The following MYT1L variants were observed in gnomAD, a reference collection of about 807,000 sequenced individuals.
The protein encoded by MYT1L is myelin transcription factor 1-like protein.
In MYT1L, 12 loss-of-function variants were observed where a neutral mutation model predicts 126.7. The ratio of observed to expected loss-of-function variants is 0.09; its 90% CI spans 0.06 to 0.15. The LOEUF (loss-of-function observed/expected upper bound fraction) is 0.15, where lower values mean the gene tolerates loss of function less well. Among genes scored for constraint, MYT1L ranks in the 10% least tolerant of loss-of-function variants. The probability of loss-of-function intolerance (pLI) is 1.00; values close to 1 mark genes in which losing one functional copy is unlikely to be tolerated. For synonymous variants in MYT1L, 541 were observed against 604.2 expected, an observed-to-expected ratio of 0.90 and a Z score of 1.53; for missense variants, 979 against 1,585.2, an observed-to-expected ratio of 0.62 and a Z score of 6.49.
chr2:2,216,029 G>GTGTC (rs917354975), intron 2 of MYT1L, among the ~76,000 whole-genome samples: 5 of 149,038 alleles, frequency 3.4e-5, no homozygotes, highest in Non-Finnish European at 7.5e-5. Flanking sequence ...TCTCTCTTTT[G>GTGTC]TGTCTGTCTG....
At chr2:1,995,292 G>A (rs548753621) in intron 5 of MYT1L, among the ~76,000 whole-genome samples, 1 of 152,192 alleles carries the variant, frequency 6.6e-6, no homozygotes, top group Non-Finnish European at 1.5e-5. Context: ...CCACACGTGT[G>A]AGGGGACGCT....
At chr2:2,154,570 T>C (rs1252911972) in intron 3 of MYT1L, among the ~76,000 whole-genome samples, 1 of 152,132 alleles carries the variant, frequency 6.6e-6, no homozygotes, top group African/African-American at 2.4e-5. Flanking sequence ...AGCAAACTAA[T>C]GCAGGAGCAG....
chr2:2,016,851 C>T (rs896762503), intron 4 of MYT1L, among the ~76,000 whole-genome samples: 24 of 152,222 alleles, frequency 1.6e-4, no homozygotes, highest in Admixed American at 1.3e-4. Flanking sequence ...ATCTGGGCAA[C>T]GGCATTCTGA....
intron 3 of MYT1L, among the ~76,000 whole-genome samples, chr2:2,127,552 G>A (rs2081871398): frequency 6.6e-6 from 1 of 152,164 alleles, no homozygotes; most frequent in South Asian, 2.1e-4. Context: ...CAGAACTCCA[G>A]AATGTTCCCC....
intron 4 of MYT1L, among the ~76,000 whole-genome samples, chr2:2,037,477 C>T (rs2066989696): frequency 6.6e-6 from 1 of 151,084 alleles, no homozygotes. Context: ...AGCTTTGGGC[C>T]AGGGACGGCG....
intron 2 of MYT1L, among the ~76,000 whole-genome samples, chr2:2,201,091 G>A (rs12471456): frequency 0.27 from 41,301 of 152,102 alleles, 6,774 homozygotes; most frequent in African/African-American, 0.47. Flanking sequence ...ACATTGCCAT[G>A]CCAACTACTG....
chr2:1,798,548 C>G (rs1047501912), intron 23 of MYT1L, among the ~76,000 whole-genome samples: 1 of 152,162 alleles, frequency 6.6e-6, no homozygotes, highest in Non-Finnish European at 1.5e-5. Flanking sequence ...GGCTTGGGCT[C>G]TGTGCACAGG....
chr2:2,190,299 A>T (rs1228771455), intron 2 of MYT1L, among the ~76,000 whole-genome samples: 3 of 151,992 alleles, frequency 2.0e-5, no homozygotes, highest in African/African-American at 7.3e-5. Context: ...TCTACAAAAA[A>T]TACAGAAATT....
intron 3 of MYT1L, among the ~76,000 whole-genome samples, chr2:2,057,507 C>A (rs2069760367): frequency 6.6e-6 from 1 of 152,112 alleles, no homozygotes; most frequent in Admixed American, 6.6e-5. Context: ...AATAGCCACG[C>A]CCACTTCTGC....
chr2:2,092,211 T>C (rs1436181584), intron 3 of MYT1L, among the ~76,000 whole-genome samples: 1 of 152,210 alleles, frequency 6.6e-6, no homozygotes. Context: ...GACATAAAAC[T>C]CTTCCTTTAC....
chr2:2,147,039 T>C (rs185697554), intron 3 of MYT1L, among the ~76,000 whole-genome samples: 7 of 152,302 alleles, frequency 4.6e-5, no homozygotes, highest in East Asian at 1.9e-4. Flanking sequence ...TCAGTGACAA[T>C]TGGGCTGCTG....
intron 4 of MYT1L, among the ~76,000 whole-genome samples, chr2:1,998,329 T>A (rs916905181): frequency 2.0e-5 from 3 of 152,200 alleles, no homozygotes; most frequent in Non-Finnish European, 2.9e-5. Flanking sequence ...ATCATGGAAG[T>A]GCCGCTGCAC....
At chr2:2,051,483 G>A (rs766114378) in intron 4 of MYT1L, among the ~76,000 whole-genome samples, 16 of 152,126 alleles carry the variant, frequency 1.1e-4, no homozygotes, top group Non-Finnish European at 1.8e-4. Flanking sequence ...AACATGTCCA[G>A]CAATGAACCG....
chr2:2,069,111 T>C (rs1207402091), intron 3 of MYT1L, among the ~76,000 whole-genome samples: 1 of 152,060 alleles, frequency 6.6e-6, no homozygotes, highest in East Asian at 1.9e-4. Context: ...CTGGGGTACA[T>C]GTGCAGAATG....
At chr2:2,021,242 A>G (rs925683540) in intron 4 of MYT1L, among the ~76,000 whole-genome samples, 2 of 152,222 alleles carry the variant, frequency 1.3e-5, no homozygotes, top group African/African-American at 4.8e-5. Context: ...AAAGGGATTC[A>G]GATTCAAGGA....
At chr2:2,295,934 G>T (rs992359040) in intron 1 of MYT1L, among the ~76,000 whole-genome samples, 1 of 149,974 alleles carries the variant, frequency 6.7e-6, no homozygotes, top group African/African-American at 2.5e-5. Context: ...AGAGAGGTTG[G>T]GGGGGAGGAG....
In MYT1L at chr2:1,889,627, C is replaced by T. The variant is rs554079508; in HGVS notation, c.2284-150G>A. 171 of 615,534 alleles carry T rather than the reference C, an allele frequency of 2.8e-4. 1 individual carries two copies. In the East Asian group the frequency reaches 3.7e-3, roughly 13 times the overall value. The allele number at this position is 615,534 out of a possible 1,614,324, so 38.1% of individuals were successfully genotyped here. A position where few individuals can be genotyped will look rare whatever the true frequency, so the allele number is the denominator to read the frequency against. ...GTTTCCTTGGCCTAAACTCCCAAGG[C>T]GGACAGGCCTTGTCTGGTGGTACAT... On this transcript the variant is annotated intron_variant, in intron 15 of 24. Coordinates refer to ENST00000647738, the MANE Select transcript of MYT1L (RefSeq NM_001303052.2). The surrounding 1 kb of genome is among the most constrained non-coding windows in gnomAD (Gnocchi z 4.1).
rs1211750587 is a variant in MYT1L, at chr2:2,010,577, T to C, written c.-157-13230A>G. On this transcript the variant is annotated intron_variant, in intron 4 of 24. Coordinates refer to ENST00000647738, the MANE Select transcript of MYT1L (RefSeq NM_001303052.2). ...AAGTCTCGGTATCTTCTGGATACAC[T>C]CCCCATGGCTGCTACTACCCAGTGA... 2.0e-5 allele frequency among the ~76,000 whole-genome samples: 3 copies of C among 151,848 alleles called. No individual in the cohort carries two copies. The East Asian group carries it at 5.8e-4, about 29-fold the overall frequency.
In MYT1L at chr2:1,829,560, C is replaced by CTGACCCTCCCATGCACCTGTGAAT. The variant is rs1558678509; in HGVS notation, c.3080+9565_3080+9588dup. On this transcript the variant is annotated intron_variant, in intron 21 of 24. Transcript: ENST00000647738. ...ACTGACCCTCCCATGCACCTGTGAA[C>CTGACCCTCCCATGCACCTGTGAAT]TGACCCTCCCATGCACCTGTGAATT... Among the ~76,000 whole-genome samples, 14 of 95,306 alleles carry CTGACCCTCCCATGCACCTGTGAAT rather than the reference C, an allele frequency of 1.5e-4. 1 individual carries two copies. Among genetic ancestry groups the CTGACCCTCCCATGCACCTGTGAAT allele is most frequent in the African/African-American group, 8.1e-4 (13 of 16,102 alleles). 62.5% of individuals were successfully genotyped at this position (95,306 alleles called of 152,430 possible).
Sources: allele counts gnomAD v4.1 joint callset (sites outside exome capture counted in the v4.1 genomes callset), GRCh38; gene constraint gnomAD v4.1.1; non-coding constraint Gnocchi (gnomAD v3.1); transcripts MANE v1.5; gene names NCBI Gene and HGNC (gene_info 2026-07-23, HGNC 2026-07-21).